Variants in GRIK2 observed in about 807,000 individuals in gnomAD.
GRIK2 encodes glutamate ionotropic receptor kainate type subunit 2, also known as glutamate receptor ionotropic, kainate 2.
In GRIK2, 32 loss-of-function variants were observed where a neutral mutation model predicts 100.3. The observed-to-expected ratio is 0.32, with a 90% confidence interval of 0.24 to 0.43. GRIK2 has a LOEUF of 0.43. GRIK2 is among the 20% of genes least tolerant of loss of function. The pLI, the probability that GRIK2 is intolerant of heterozygous loss-of-function variation, is 1.00. For synonymous variants in GRIK2, 417 were observed against 389.4 expected (o/e 1.07, Z -0.83); for missense variants, 843 against 1,114.9 (o/e 0.76, Z 3.47).
At chr6:101,408,035 C>A (rs1252089845) in intron 2 of GRIK2, among the ~76,000 whole-genome samples, 4 of 152,020 alleles carry the variant, frequency 2.6e-5, no homozygotes, top group Non-Finnish European at 5.9e-5. Flanking sequence ...AATGGGCTAG[C>A]ACTGAAGGGG....
At chr6:101,827,710 G>T (rs1031783688) in intron 10 of GRIK2, among the ~76,000 whole-genome samples, 1 of 151,846 alleles carries the variant, frequency 6.6e-6, no homozygotes, top group Non-Finnish European at 1.5e-5. Context: ...TAATGATAAA[G>T]AGTTAAATTC....
intron 2 of GRIK2, among the ~76,000 whole-genome samples, chr6:101,586,006 G>A (rs999315503): frequency 1.3e-5 from 2 of 151,860 alleles, no homozygotes; most frequent in Non-Finnish European, 2.9e-5. Context: ...AAGAAAAGAG[G>A]GAGATTAAAG....
chr6:101,770,616 A>G (rs952859770), intron 7 of GRIK2, among the ~76,000 whole-genome samples: 2 of 152,200 alleles, frequency 1.3e-5, no homozygotes, highest in African/African-American at 4.8e-5. Flanking sequence ...ATGTCAGTCT[A>G]TTGACCTACC....
intron 16 of GRIK2, among the ~76,000 whole-genome samples, chr6:102,056,266 A>G (rs950660154): frequency 6.6e-6 from 1 of 152,002 alleles, no homozygotes; most frequent in Non-Finnish European, 1.5e-5. Context: ...AGTCATTTGT[A>G]TAAATGCTTT....
intron 4 of GRIK2, among the ~76,000 whole-genome samples, chr6:101,650,219 A>G (rs1781720963): frequency 6.6e-6 from 1 of 152,158 alleles, no homozygotes; most frequent in Non-Finnish European, 1.5e-5. Flanking sequence ...CCAAGAAAGG[A>G]AACATTGGAA....
intron 15 of GRIK2, among the ~76,000 whole-genome samples, chr6:102,042,975 GAT>G (rs1480737999): frequency 6.6e-6 from 1 of 151,422 alleles, no homozygotes; most frequent in Non-Finnish European, 1.5e-5. Context: ...CAAGTTAGAG[GAT>G]ATACAGAATA....
chr6:101,849,791 G>A (rs1410993123), intron 10 of GRIK2, among the ~76,000 whole-genome samples: 1 of 140,810 alleles, frequency 7.1e-6, no homozygotes, highest in Non-Finnish European at 1.5e-5. Context: ...GGCCCATAGG[G>A]ATGCTATTTA....
chr6:101,667,065 A>G (rs1266943586), intron 4 of GRIK2, among the ~76,000 whole-genome samples: 2 of 152,180 alleles, frequency 1.3e-5, no homozygotes, highest in Non-Finnish European at 2.9e-5. Context: ...GAGAGAGTTA[A>G]TGACCTGGGA....
At chr6:101,944,809 C>T (rs1368365129) in intron 14 of GRIK2, among the ~76,000 whole-genome samples, 2 of 151,910 alleles carry the variant, frequency 1.3e-5, no homozygotes, top group Non-Finnish European at 2.9e-5. Context: ...ATTTTAGTTG[C>T]TGTCAGCAGT....
At chr6:101,706,667 G>A (rs1773319321) in intron 7 of GRIK2, among the ~76,000 whole-genome samples, 1 of 151,882 alleles carries the variant, frequency 6.6e-6, no homozygotes, top group Admixed American at 6.6e-5. Flanking sequence ...GACAGGATTG[G>A]ATAGAAAAAG....
intron 2 of GRIK2, chr6:101,431,000 A>G: frequency 3.8e-6 from 1 of 262,684 alleles, no homozygotes; most frequent in South Asian, 5.4e-5. Flanking sequence ...TCCAGAGTCC[A>G]TGACAATACT....
chr6:102,031,668 C>T (rs373724727), intron 14 of GRIK2, among the ~76,000 whole-genome samples: 36 of 151,182 alleles, frequency 2.4e-4, no homozygotes, highest in African/African-American at 7.3e-4. Context: ...TCTTTATGTC[C>T]GTGAATACTC....
Position 101,798,312 on chromosome 6 carries a change from C to T in GRIK2, c.952-1336C>T, listed in dbSNP as rs192801877. On this transcript the variant is annotated intron_variant, in intron 7 of 16. Transcript: ENST00000369134. ...GTAATATGTCCTCTGAATATTAACT[C>T]GGGTCAGAGACAAATATCAGTCAAA... 1.3e-3 allele frequency among the ~76,000 whole-genome samples: 195 copies of T among 151,986 alleles called. 1 individual carries two copies. Among genetic ancestry groups the T allele is most frequent in the African/African-American group, 3.7e-3 (154 of 41,448 alleles).
intron 2 of GRIK2, among the ~76,000 whole-genome samples, chr6:101,414,107 GT>G (rs1776002558): frequency 2.6e-5 from 4 of 152,172 alleles, no homozygotes; most frequent in African/African-American, 9.7e-5. Flanking sequence ...ACAAAACAGT[GT>G]GACAAGTGCA....
At chr6:101,930,973 G>A (rs945771493) in intron 14 of GRIK2, among the ~76,000 whole-genome samples, 70 of 152,154 alleles carry the variant, frequency 4.6e-4, no homozygotes, top group African/African-American at 1.7e-3. Context: ...AAACCACACA[G>A]TGATAATTAC....
intron 10 of GRIK2, among the ~76,000 whole-genome samples, chr6:101,830,437 G>C (rs573878705): frequency 6.6e-6 from 1 of 151,512 alleles, no homozygotes; most frequent in African/African-American, 2.4e-5. Context: ...ACTTAAAGAA[G>C]TTCTACATGC....
intron 2 of GRIK2, among the ~76,000 whole-genome samples, chr6:101,463,891 G>T (rs1771475917): frequency 6.6e-6 from 1 of 151,964 alleles, no homozygotes; most frequent in Non-Finnish European, 1.5e-5. Context: ...CAACTTTATT[G>T]GATTAAAGGA....
intron 2 of GRIK2, among the ~76,000 whole-genome samples, chr6:101,499,030 A>T (rs1773607517): frequency 6.6e-6 from 1 of 152,152 alleles, no homozygotes; most frequent in Admixed American, 6.6e-5. Flanking sequence ...TGGGGAAAGG[A>T]TTCCCTATTT....
At chr6:101,922,990 C>A (rs552732690) in intron 12 of GRIK2, among the ~76,000 whole-genome samples, 12 of 152,158 alleles carry the variant, frequency 7.9e-5, no homozygotes, top group Non-Finnish European at 1.2e-4. Flanking sequence ...TTCAGTCAGA[C>A]ACAACAAATC....
Sources: gnomAD v4.1 joint callset for allele counts (sites outside exome capture counted in the v4.1 genomes callset) on GRCh38, gnomAD v4.1.1 for gene constraint, MANE v1.5 for transcripts, NCBI Gene and HGNC (gene_info 2026-07-23, HGNC 2026-07-21) for gene names.